Variants in ERC1 observed in about 807,000 individuals in gnomAD.
The protein encoded by ERC1 is ELKS/RAB6-interacting/CAST family member 1.
In ERC1, 56 loss-of-function variants were observed where a neutral mutation model predicts 132.0. That is an observed-to-expected ratio of 0.42 (90% CI 0.34 to 0.53). The LOEUF (loss-of-function observed/expected upper bound fraction) is 0.53. ERC1 is among the 20% of genes least tolerant of loss of function. The probability of loss-of-function intolerance (pLI) is 0.03; values close to 1 mark genes in which losing one functional copy is unlikely to be tolerated. For synonymous variants in ERC1, 478 were observed against 476.1 expected, an observed-to-expected ratio of 1.00 and a Z score of -0.05; for missense variants, 1,202 against 1,349.9, an observed-to-expected ratio of 0.89 and a Z score of 1.72.
chr12:1,134,361 T>A (rs77087493), intron 7 of ERC1, among the ~76,000 whole-genome samples: 1,896 of 151,554 alleles, frequency 0.013, 22 homozygotes, highest in Non-Finnish European at 0.018. Flanking sequence ...TTTTTTTTTT[T>A]AAAGATACAG....
intron 2 of ERC1, among the ~76,000 whole-genome samples, chr12:1,058,251 G>A (rs1285758205): frequency 2.6e-5 from 4 of 152,012 alleles, no homozygotes; most frequent in South Asian, 2.1e-4. Context: ...TACCAAGAAA[G>A]TCTTTTCCTA....
intron 12 of ERC1, among the ~76,000 whole-genome samples, chr12:1,202,124 C>T (rs949744643): frequency 6.6e-5 from 10 of 152,196 alleles, no homozygotes; most frequent in South Asian, 2.1e-4. Context: ...TTTCTTCTTC[C>T]TCCTTGATGA....
At chr12:1,148,038 C>G (rs1043044723) in intron 8 of ERC1, among the ~76,000 whole-genome samples, 4 of 152,208 alleles carry the variant, frequency 2.6e-5, no homozygotes, top group South Asian at 4.1e-4. Flanking sequence ...TAAACTTTGC[C>G]TTTCAGATCA....
chr12:1,332,861 A>G (rs920286521), intron 15 of ERC1, among the ~76,000 whole-genome samples: 1 of 152,178 alleles, frequency 6.6e-6, no homozygotes, highest in Admixed American at 6.5e-5. Context: ...AAACCATTGC[A>G]GCTATTCAAA....
chr12:1,082,788 G>A (rs761903140), intron 2 of ERC1, among the ~76,000 whole-genome samples: 7 of 152,034 alleles, frequency 4.6e-5, no homozygotes, highest in African/African-American at 1.7e-4. Flanking sequence ...CACCACGCCC[G>A]GCTGTTTTGA....
intron 16 of ERC1, among the ~76,000 whole-genome samples, chr12:1,402,091 T>C (rs997039087): frequency 3.3e-5 from 5 of 152,128 alleles, no homozygotes; most frequent in South Asian, 2.1e-4. Context: ...TTTTGCAAAT[T>C]AGAAAATAAG....
At chr12:1,396,817 G>A (rs57239633) in intron 16 of ERC1, among the ~76,000 whole-genome samples, 1,919 of 152,276 alleles carry the variant, frequency 0.013, 45 homozygotes, top group African/African-American at 0.044. Context: ...CTCACAAGAG[G>A]TGGGGAGTTG....
In ERC1 at chr12:1,370,603, A is replaced by G. The variant is rs553103704; in HGVS notation, c.2781-1230A>G. 2.6e-5 allele frequency among the ~76,000 whole-genome samples: 4 copies of G among 152,378 alleles called. No homozygotes were observed. In the East Asian group the frequency reaches 7.7e-4, roughly 29 times the overall value. ...ATGGATAAAGTATGTAAGTTACAGG[A>G]TTATTCTTAAAGTAACTGTTTACTT... is the stretch of plus-strand genomic sequence containing the variant. On this transcript the variant is annotated intron_variant, in intron 15 of 18. Coordinates refer to ENST00000360905, the MANE Select transcript of ERC1 (RefSeq NM_178040.4).
intron 13 of ERC1, among the ~76,000 whole-genome samples, chr12:1,237,449 TA>T (rs1485190906): frequency 1.3e-5 from 2 of 152,220 alleles, no homozygotes; most frequent in African/African-American, 4.8e-5. Flanking sequence ...TGCCTAAACC[TA>T]ATTATTCACA....
chr12:1,413,608 TA>T (rs112332779), intron 17 of ERC1, among the ~76,000 whole-genome samples: 1 of 150,294 alleles, frequency 6.7e-6, no homozygotes, highest in Non-Finnish European at 1.5e-5. Flanking sequence ...AAAGAAAAGG[TA>T]AAAAAAAAGA....
intron 7 of ERC1, among the ~76,000 whole-genome samples, chr12:1,127,491 ACTAT>A (rs911343566): frequency 7.2e-5 from 11 of 151,964 alleles, no homozygotes; most frequent in South Asian, 4.2e-4. Context: ...AGATATAAGT[ACTAT>A]CTATGTTTAC....
chr12:1,481,587 T>C (rs1237837409), intron 18 of ERC1, among the ~76,000 whole-genome samples: 2 of 152,216 alleles, frequency 1.3e-5, no homozygotes, highest in African/African-American at 2.4e-5. Flanking sequence ...CAGATAAAAT[T>C]TGAACCATGC....
At position 1,199,349 on chromosome 12, in the gene ERC1, T is replaced by A. The variant is rs890350323; in HGVS notation, c.2351+9297T>A. On this transcript the variant is annotated intron_variant, in intron 12 of 18. Coordinates refer to ENST00000360905, the MANE Select transcript of ERC1 (RefSeq NM_178040.4). ...AACCATGTCACTCATCTGGAACTAT[T>A]AGCTCTTGGCTTTTACATCATGATT... Among the ~76,000 whole-genome samples the A allele has an allele frequency of 2.6e-5, 4 of 152,268 alleles. No homozygotes were observed. The East Asian group carries it at 7.7e-4, about 29-fold the overall frequency.
chr12:1,267,407 C>T (rs1371960685), intron 14 of ERC1, among the ~76,000 whole-genome samples: 3 of 152,190 alleles, frequency 2.0e-5, no homozygotes, highest in African/African-American at 7.2e-5. Context: ...CTTAGTTCAG[C>T]TATGATGTTA....
chr12:1,362,950 G>T (rs1278565827), intron 15 of ERC1, among the ~76,000 whole-genome samples: 3 of 152,130 alleles, frequency 2.0e-5, no homozygotes, highest in Admixed American at 2.0e-4. Flanking sequence ...TCATTCAGAA[G>T]ATTTTATGGT....
chr12:1,364,365 A>G lies in ERC1; in HGVS notation c.2781-7468A>G, dbSNP rs535558290. Among the ~76,000 whole-genome samples the G allele has an allele frequency of 1.4e-4, 21 of 152,236 alleles. 1 individual carries two copies. The highest frequency in any genetic ancestry group is 4.3e-4 in the African/African-American group (18 of 41,536). ...CTTCTCTAAAACTTTTGGTATTTCT[A>G]TATTACGTACAAAATCAAATCACTT... On this transcript the variant is annotated intron_variant, in intron 15 of 18. Coordinates refer to ENST00000360905, the MANE Select transcript of ERC1 (RefSeq NM_178040.4).
intron 16 of ERC1, among the ~76,000 whole-genome samples, chr12:1,376,902 G>A (rs1385617655): frequency 6.6e-6 from 1 of 152,172 alleles, no homozygotes; most frequent in East Asian, 1.9e-4. Flanking sequence ...TCCAGGCTGA[G>A]CATCACCTTT....
chr12:1,367,973 T>TA (rs1555377019), intron 15 of ERC1, among the ~76,000 whole-genome samples: 1 of 145,978 alleles, frequency 6.9e-6, no homozygotes, highest in Non-Finnish European at 1.5e-5. Context: ...TTTTTTTTTT[T>TA]AACTCTGGAA....
rs572091656 is a variant in ERC1, at chr12:1,094,448, T to C, written c.1087-10302T>C. ...TTTTTGGCAACAGAGTCTCGCTCTA[T>C]CGCCCAGGCTGGAGTGCAGTGGTGC... On this transcript the variant is annotated intron_variant, in intron 3 of 18. Transcript: ENST00000360905. 2.7e-4 allele frequency among the ~76,000 whole-genome samples: 40 copies of C among 147,648 alleles called. 1 individual carries two copies. The highest frequency in any genetic ancestry group is 9.5e-4 in the African/African-American group (39 of 41,052).
Sources: gnomAD v4.1 joint callset for allele counts (sites outside exome capture counted in the v4.1 genomes callset) on GRCh38, gnomAD v4.1.1 for gene constraint, MANE v1.5 for transcripts, NCBI Gene and HGNC (gene_info 2026-07-23, HGNC 2026-07-21) for gene names.